Variants in WWOX observed in about 807,000 individuals in gnomAD.
WWOX encodes the protein WW domain-containing oxidoreductase.
A neutral mutation model predicts 46.2 loss-of-function variants in WWOX; 69 were observed. That is an observed-to-expected ratio of 1.49 (90% CI 1.23 to 1.82). WWOX has a LOEUF of 1.82. Ranked by LOEUF, WWOX falls within the 40% of genes most tolerant of loss-of-function variation. The probability of loss-of-function intolerance (pLI) is 0.00; values close to 1 mark genes in which losing one functional copy is unlikely to be tolerated. For synonymous variants in WWOX, 359 were observed against 202.6 expected (o/e 1.77, Z -6.56); for missense variants, 919 against 542.6 (o/e 1.69, Z -6.89).
At chr16:78,406,295 T>TAA (rs2082531027) in intron 6 of WWOX, among the ~76,000 whole-genome samples, 1 of 88,638 alleles carries the variant, frequency 1.1e-5, no homozygotes, top group Non-Finnish European at 2.3e-5. Context: ...TTACAGCATA[T>TAA]AAATATAAAT....
chr16:78,199,311 TCAAA>T (rs35182566), intron 5 of WWOX, among the ~76,000 whole-genome samples: 45,886 of 150,502 alleles, frequency 0.3, 7,212 homozygotes, highest in East Asian at 0.42. Context: ...AGACTCCATC[TCAAA>T]CAAACAAACA....
At chr16:78,360,084 T>G (rs1241945179) in intron 5 of WWOX, among the ~76,000 whole-genome samples, 1 of 152,052 alleles carries the variant, frequency 6.6e-6, no homozygotes, top group African/African-American at 2.4e-5. Flanking sequence ...TCAAAAAGAT[T>G]TTCCCCCAAA....
intron 8 of WWOX, among the ~76,000 whole-genome samples, chr16:78,758,154 C>G (rs1029830681): frequency 2.0e-5 from 3 of 152,100 alleles, no homozygotes; most frequent in South Asian, 4.1e-4. Flanking sequence ...AGGAAATGTT[C>G]TATTTCCATC....
At chr16:78,337,741 A>AAAGCGGTATTGCATTG (rs1567510463) in intron 5 of WWOX, among the ~76,000 whole-genome samples, 17 of 124,588 alleles carry the variant, frequency 1.4e-4, no homozygotes, top group Admixed American at 3.1e-4. Flanking sequence ...AGTGCTCAGA[A>AAAGCGGTATTGCATTG]TGAAATATCC....
chr16:79,000,921 C>G (rs2047079952), intron 8 of WWOX, among the ~76,000 whole-genome samples: 1 of 152,176 alleles, frequency 6.6e-6, no homozygotes, highest in Non-Finnish European at 1.5e-5. Flanking sequence ...TAATACTCAT[C>G]TGCCCCACTG....
At chr16:79,037,106 G>C (rs2047882453) in intron 8 of WWOX, among the ~76,000 whole-genome samples, 1 of 152,156 alleles carries the variant, frequency 6.6e-6, no homozygotes, top group Non-Finnish European at 1.5e-5. Context: ...TTACAGCAAT[G>C]GTTTTCAGTT....
chr16:78,738,952 C>T (rs73571685), intron 8 of WWOX, among the ~76,000 whole-genome samples: 14 of 152,292 alleles, frequency 9.2e-5, no homozygotes, highest in African/African-American at 2.6e-4. Flanking sequence ...TGCAACTTCT[C>T]ATGCTGCCAA....
rs1232357844 is a variant in WWOX, at chr16:78,735,734, C to T, written c.1056+302982C>T. Reference sequence around the variant, plus strand: ...TACTAGTTCTATGTCAATGATGGTACCAATGGACTCTAACTTTAGAATGTT... The same window carrying T: ...TACTAGTTCTATGTCAATGATGGTATCAATGGACTCTAACTTTAGAATGTT... On this transcript the variant is annotated intron_variant, in intron 8 of 8. Coordinates refer to ENST00000566780, the MANE Select transcript of WWOX (RefSeq NM_016373.4). Among the ~76,000 whole-genome samples, 7 of 151,996 alleles carry T rather than the reference C, an allele frequency of 4.6e-5. No individual in the cohort carries two copies. In the East Asian group the frequency reaches 1.4e-3, roughly 29 times the overall value.
intron 8 of WWOX, among the ~76,000 whole-genome samples, chr16:78,945,949 G>C (rs557990677): frequency 6.6e-6 from 1 of 151,908 alleles, no homozygotes; most frequent in African/African-American, 2.4e-5. Flanking sequence ...TTTCTCATCC[G>C]TCTCTTCAGG....
chr16:78,959,137 G>C (rs1435842981), intron 8 of WWOX, among the ~76,000 whole-genome samples: 1 of 152,180 alleles, frequency 6.6e-6, no homozygotes, highest in East Asian at 1.9e-4. Flanking sequence ...CTTACCGCTA[G>C]GTATTTCCTT....
intron 8 of WWOX, among the ~76,000 whole-genome samples, chr16:78,582,878 T>A (rs2045097648): frequency 6.6e-6 from 1 of 152,180 alleles, no homozygotes; most frequent in African/African-American, 2.4e-5. Flanking sequence ...ACCGGGAACC[T>A]CCTATGGGAA....
intron 8 of WWOX, among the ~76,000 whole-genome samples, chr16:78,717,111 T>C (rs1412255279): frequency 6.6e-6 from 1 of 152,206 alleles, no homozygotes; most frequent in African/African-American, 2.4e-5. Flanking sequence ...TTCCAAGAGA[T>C]GGCTGTAAGC....
intron 8 of WWOX, among the ~76,000 whole-genome samples, chr16:78,605,045 T>G (rs945032880): frequency 7.0e-6 from 1 of 143,662 alleles, no homozygotes; most frequent in Admixed American, 7.2e-5. Context: ...TTCTTTTCTT[T>G]CCTTTTTAAA....
rs997005462 is a variant in WWOX, at chr16:79,008,895, A to T, written c.1057-202713A>T. ...GCCACGTGTGTATAATGAGCAGCGC[A>T]CACACACAAAGGCGAGCTAAAAATG... On this transcript the variant is annotated intron_variant, in intron 8 of 8. Transcript: ENST00000566780. 2.6e-3 allele frequency among the ~76,000 whole-genome samples: 398 copies of T among 152,190 alleles called. 5 individuals are homozygous for T. Among genetic ancestry groups the T allele is most frequent in the African/African-American group, 9.5e-3 (393 of 41,498 alleles).
At chr16:79,164,109 T>C (rs2050544197) in intron 8 of WWOX, among the ~76,000 whole-genome samples, 1 of 152,228 alleles carries the variant, frequency 6.6e-6, no homozygotes, top group Admixed American at 6.5e-5. Context: ...GGTGCCACTT[T>C]ATGGCCCAGA....
chr16:79,186,614 G>A (rs1197930890), intron 8 of WWOX, among the ~76,000 whole-genome samples: 1 of 152,130 alleles, frequency 6.6e-6, no homozygotes, highest in Non-Finnish European at 1.5e-5. Flanking sequence ...CACATTCTGA[G>A]GCAATGGCGG....
At chr16:78,972,515 C>T (rs1308604335) in intron 8 of WWOX, among the ~76,000 whole-genome samples, 2 of 151,426 alleles carry the variant, frequency 1.3e-5, no homozygotes, top group Admixed American at 1.3e-4. Flanking sequence ...AAGAGAGGCT[C>T]ACTGACCATC....
At chr16:78,557,916 C>T (rs1034452787) in intron 8 of WWOX, among the ~76,000 whole-genome samples, 3 of 151,956 alleles carry the variant, frequency 2.0e-5, no homozygotes, top group African/African-American at 7.3e-5. Flanking sequence ...AGGCTGCTCT[C>T]GAACTCCTGA....
chr16:78,287,708 T>A (rs1351128270), intron 5 of WWOX, among the ~76,000 whole-genome samples: 1 of 152,162 alleles, frequency 6.6e-6, no homozygotes. Context: ...CTCCTCTGAT[T>A]TTCGATTCAT....
Sources: gnomAD v4.1 joint callset for allele counts (sites outside exome capture counted in the v4.1 genomes callset) on GRCh38, gnomAD v4.1.1 for gene constraint, MANE v1.5 for transcripts, NCBI Gene and HGNC (gene_info 2026-07-23, HGNC 2026-07-21) for gene names.